The following ME1 variants were observed in gnomAD, a reference collection of about 807,000 sequenced individuals.
The protein encoded by ME1 is NADP-dependent malic enzyme.
Under a neutral mutation model 66.4 loss-of-function variants are expected in ME1, and 74 were observed. The observed-to-expected ratio is 1.11, with a 90% CI of 0.92 to 1.35. ME1 has a LOEUF of 1.35. Among genes scored for constraint, ME1 ranks in the 40% most tolerant of loss-of-function variants. ME1 has a pLI of 0.00. For synonymous variants in ME1, 251 were observed against 235.6 expected, an observed-to-expected ratio of 1.07 and a Z score of -0.60; for missense variants, 750 against 694.1, an observed-to-expected ratio of 1.08 and a Z score of -0.90.
intron 1 of ME1, among the ~76,000 whole-genome samples, chr6:83,411,118 C>T (rs372724137): frequency 8.5e-4 from 130 of 152,300 alleles, no homozygotes; most frequent in African/African-American, 3.0e-3. Context: ...GTGGCTCACG[C>T]CTGTAATCCC....
chr6:83,294,491 G>A (rs1767559128), intron 6 of ME1, among the ~76,000 whole-genome samples: 1 of 152,050 alleles, frequency 6.6e-6, no homozygotes, highest in African/African-American at 2.4e-5. Flanking sequence ...TCGATCCCCT[G>A]CTCCCCAACA....
At chr6:83,261,874 C>CGT (rs761912165) in intron 6 of ME1, among the ~76,000 whole-genome samples, 1 of 151,584 alleles carries the variant, frequency 6.6e-6, no homozygotes. Context: ...ATTAGCTAGG[C>CGT]GTGGTGGCAG....
chr6:83,309,488 G>A (rs1026409327), intron 6 of ME1, among the ~76,000 whole-genome samples: 1 of 152,102 alleles, frequency 6.6e-6, no homozygotes, highest in African/African-American at 2.4e-5. Flanking sequence ...GAATGGGGTT[G>A]TCATTTACTG....
chr6:83,392,447 T>A (rs1209120379), intron 3 of ME1: 1 of 492,892 alleles, frequency 2.0e-6, no homozygotes, highest in Non-Finnish European at 3.9e-6. Flanking sequence ...GTCAACAGAT[T>A]TGGTTGTATT....
At chr6:83,217,664 C>T (rs763043154) in intron 12 of ME1, among the ~76,000 whole-genome samples, 1 of 152,072 alleles carries the variant, frequency 6.6e-6, no homozygotes, top group Non-Finnish European at 1.5e-5. Context: ...TTATAGTGCA[C>T]AGTGGCTTGA....
At chr6:83,254,389 T>C (rs1258788510) in intron 6 of ME1, among the ~76,000 whole-genome samples, 1 of 152,136 alleles carries the variant, frequency 6.6e-6, no homozygotes, top group African/African-American at 2.4e-5. Flanking sequence ...AGGGCACTGA[T>C]GAAACATTCA....
In ME1 at chr6:83,313,591, T is replaced by C. The variant is rs1279285772; in HGVS notation, c.704+1719A>G. Among the ~76,000 whole-genome samples, 9 of 152,340 alleles carry C rather than the reference T, an allele frequency of 5.9e-5. No individual in the cohort carries two copies. The East Asian group carries it at 1.5e-3, about 26-fold the overall frequency. Reference sequence around the variant, plus strand: ...AGTTGTCTTATTTAGATAGACTTTATTCCAGACTGCATTTCCTTTCCTCTT... The same window carrying C: ...AGTTGTCTTATTTAGATAGACTTTACTCCAGACTGCATTTCCTTTCCTCTT... On this transcript the variant is annotated intron_variant, in intron 6 of 13. Coordinates refer to ENST00000369705, the MANE Select transcript of ME1 (RefSeq NM_002395.6).
At chr6:83,352,316 G>A (rs1371725248) in intron 3 of ME1, among the ~76,000 whole-genome samples, 177 bp from the exon 4 acceptor site, 1 of 151,858 alleles carries the variant, frequency 6.6e-6, no homozygotes, top group Non-Finnish European at 1.5e-5. Context: ...AAGTAAGGGA[G>A]AAATTACTTG....
chr6:83,259,218 C>A (rs546552646), intron 6 of ME1, among the ~76,000 whole-genome samples: 7 of 152,204 alleles, frequency 4.6e-5, no homozygotes, highest in Non-Finnish European at 1.0e-4. Flanking sequence ...TTCCAAATTA[C>A]CCATTTTTTA....
chr6:83,326,517 T>C (rs1375456529), intron 5 of ME1, among the ~76,000 whole-genome samples: 2 of 124,306 alleles, frequency 1.6e-5, no homozygotes, highest in Non-Finnish European at 3.3e-5. Flanking sequence ...ATCCAGAATC[T>C]ACAAGGAACT....
At chr6:83,367,267 G>C (rs1769116312) in intron 3 of ME1, among the ~76,000 whole-genome samples, 1 of 152,108 alleles carries the variant, frequency 6.6e-6, no homozygotes. Context: ...TCCATTTATA[G>C]GCAAGGTAGA....
intron 7 of ME1, among the ~76,000 whole-genome samples, chr6:83,246,473 C>T (rs1420193719): frequency 6.6e-6 from 1 of 152,000 alleles, no homozygotes; most frequent in African/African-American, 2.4e-5. Flanking sequence ...ACAAAAAATA[C>T]CTCATTCCAT....
chr6:83,343,850 C>G (rs998154751), intron 5 of ME1, among the ~76,000 whole-genome samples: 7 of 152,136 alleles, frequency 4.6e-5, no homozygotes, highest in African/African-American at 1.7e-4. Flanking sequence ...TTCATGAAAT[C>G]AACTCTTTCA....
At chr6:83,347,145 G>T (rs939854327) in intron 4 of ME1, among the ~76,000 whole-genome samples, 1 of 152,022 alleles carries the variant, frequency 6.6e-6, no homozygotes, top group African/African-American at 2.4e-5. Context: ...GTAGAGACAG[G>T]GTTTCACCAT....
At chr6:83,422,063 A>C (rs1249556415) in intron 1 of ME1, among the ~76,000 whole-genome samples, 1 of 152,172 alleles carries the variant, frequency 6.6e-6, no homozygotes, top group African/African-American at 2.4e-5. Flanking sequence ...AAAAAATATC[A>C]GAGATCACAG....
chr6:83,240,998 T>A (rs1005646544), intron 7 of ME1, among the ~76,000 whole-genome samples: 1 of 152,134 alleles, frequency 6.6e-6, no homozygotes. Context: ...AGTCATATAT[T>A]ATGAAAAAGC....
chr6:83,261,420 A>ATT (rs57450786), intron 6 of ME1, among the ~76,000 whole-genome samples: 8,887 of 110,836 alleles, frequency 0.08, 834 homozygotes, highest in African/African-American at 0.19. Context: ...TCTGTTGGTA[A>ATT]TTTTTTTTTT....
intron 1 of ME1, among the ~76,000 whole-genome samples, chr6:83,424,967 C>G (rs1770340558): frequency 6.6e-6 from 1 of 151,758 alleles, no homozygotes; most frequent in African/African-American, 2.4e-5. Flanking sequence ...TCTTAGAACT[C>G]CTTCAGCCTC....
chr6:83,395,563 C>T (rs1319444315), intron 3 of ME1, among the ~76,000 whole-genome samples: 1 of 151,492 alleles, frequency 6.6e-6, no homozygotes, highest in African/African-American at 2.4e-5. Flanking sequence ...GCAACCTCCA[C>T]TTCCCAGATT....
Sources: allele counts gnomAD v4.1 joint callset (sites outside exome capture counted in the v4.1 genomes callset), GRCh38; gene constraint gnomAD v4.1.1; transcripts MANE v1.5; gene names NCBI Gene and HGNC (gene_info 2026-07-23, HGNC 2026-07-21).